PWWP2A: variants seen among roughly 807,000 people sequenced by gnomAD.
The protein encoded by PWWP2A is PWWP domain-containing protein 2A.
Under a neutral mutation model 48.5 loss-of-function variants are expected in PWWP2A, and 18 were observed. The ratio of observed to expected loss-of-function variants is 0.37; its 90% CI spans 0.26 to 0.55. The LOEUF (loss-of-function observed/expected upper bound fraction) is 0.55, where lower values mean the gene tolerates loss of function less well. Among genes scored for constraint, PWWP2A ranks in the 20% least tolerant of loss-of-function variants. PWWP2A has a pLI of 0.81. For synonymous variants in PWWP2A, 396 were observed against 387.7 expected (o/e 1.02, Z -0.25); for missense variants, 867 against 976.4 (o/e 0.89, Z 1.49).
chr5:160,056,560 C>CA, the PWWP2A span, among the ~76,000 whole-genome samples: 5 of 151,926 alleles, frequency 3.3e-5, no homozygotes, highest in Admixed American at 1.3e-4. Context: ...CCTGTCTCTA[C>CA]AAAAAAATAA....
chr5:160,113,878 G>A (rs1172567609), intron 1 of PWWP2A, among the ~76,000 whole-genome samples: 1 of 152,178 alleles, frequency 6.6e-6, no homozygotes, highest in Non-Finnish European at 1.5e-5. Flanking sequence ...TAATATGCAA[G>A]TAGAAAAAGC....
chr5:160,119,203 C>A lies in PWWP2A; in HGVS notation c.186G>T (p.Gln62His). ...GCGGCGGGAGCGGCGGCTCGTCGGC[C>A]TGAGGAGCGGATTGCTGCCCGTCAG... ...GETDGQQSAP[Q>H]ADEPPLPPPP... Residue 62 changes from glutamine (Q) to histidine (H), a missense_variant, in exon 1 of 2, where the codon CAG becomes CAT. Coordinates refer to ENST00000307063, the MANE Select transcript of PWWP2A (RefSeq NM_001130864.2). 6.9e-7 allele frequency: 1 copy of A among 1,456,378 alleles called. No homozygotes were observed. Among genetic ancestry groups the A allele is most frequent in the Non-Finnish European group, 8.9e-7 (1 of 1,118,126 alleles). 90.2% of individuals were successfully genotyped at this position (1,456,378 alleles called of 1,614,324 possible).
chr5:160,085,505 C>CTTTT (rs5872628), intron 2 of PWWP2A, among the ~76,000 whole-genome samples: 4 of 109,826 alleles, frequency 3.6e-5, no homozygotes, highest in Non-Finnish European at 5.6e-5. Context: ...CTGTCACATT[C>CTTTT]TTTTTTTTTT....
At chr5:160,090,627 C>G, downstream of PWWP2A, 1 of 985,080 alleles carries the variant, frequency 1.0e-6, no homozygotes, top group Non-Finnish European at 1.2e-6. Context: ...TGCAAAAATT[C>G]GCAATCAGTC....
At chr5:160,088,927 T>C (rs918694070), downstream of PWWP2A, among the ~76,000 whole-genome samples, 1 of 152,222 alleles carries the variant, frequency 6.6e-6, no homozygotes, top group Non-Finnish European at 1.5e-5. Flanking sequence ...CCTGCTTAAA[T>C]AGGAGTGTAA....
intron 1 of PWWP2A, among the ~76,000 whole-genome samples, chr5:160,106,781 T>G (rs2113630299): frequency 6.6e-6 from 1 of 151,992 alleles, no homozygotes; most frequent in Non-Finnish European, 1.5e-5. Context: ...ATACATTGCT[T>G]AGTTTGTAAT....
intron 4 of PWWP2A, among the ~76,000 whole-genome samples, chr5:160,066,253 G>A (rs1360867841): frequency 2.7e-5 from 4 of 149,648 alleles, no homozygotes; most frequent in African/African-American, 5.0e-5. Flanking sequence ...GTCAGTGTTC[G>A]GTGCTTCCTG....
chr5:160,111,223 A>G (rs1478269184), intron 1 of PWWP2A, among the ~76,000 whole-genome samples: 1 of 152,096 alleles, frequency 6.6e-6, no homozygotes, highest in Non-Finnish European at 1.5e-5. Flanking sequence ...GATGGAGTGC[A>G]ATAGCATGAT....
At position 160,119,360 on chromosome 5, in the gene PWWP2A, G is replaced by GCTGCCGCCT; in HGVS notation, c.20_28dup (p.Glu7_Ala9dup). 1 of 1,382,100 alleles carries GCTGCCGCCT rather than the reference G, an allele frequency of 7.2e-7. No homozygotes were observed. The highest frequency in any genetic ancestry group is 9.3e-7 in the Non-Finnish European group (1 of 1,074,644). The allele number at this position is 1,382,100 out of a possible 1,614,324, so 85.6% of individuals were successfully genotyped here. A position where few individuals can be genotyped will look rare whatever the true frequency, so the allele number is the denominator to read the frequency against. On this transcript the variant is annotated inframe_insertion, in exon 1 of 2. Coordinates refer to ENST00000307063, the MANE Select transcript of PWWP2A (RefSeq NM_001130864.2). ...CCCCTCCCCGGGGGACGCTGCAGTCGCTGCCGCCTCTGCAGCCACGGCCGC... is the reference window on the plus strand; with the variant it reads ...CCCCTCCCCGGGGGACGCTGCAGTCGCTGCCGCCTCTGCCGCCTCTGCAGCCACGGCCGC...
intron 1 of PWWP2A, among the ~76,000 whole-genome samples, chr5:160,117,219 G>A (rs894918659): frequency 6.6e-6 from 1 of 152,252 alleles, no homozygotes. Flanking sequence ...CAGCACTTTG[G>A]AAGGCCAAGG....
At chr5:160,115,922 T>C (rs1286771438) in intron 1 of PWWP2A, among the ~76,000 whole-genome samples, 1 of 151,630 alleles carries the variant, frequency 6.6e-6, no homozygotes, top group African/African-American at 2.4e-5. Context: ...GCAATCAACA[T>C]AAGTGCGAAT....
chr5:160,056,266 C>T, the PWWP2A span, among the ~76,000 whole-genome samples: 1 of 152,198 alleles, frequency 6.6e-6, no homozygotes, highest in Non-Finnish European at 1.5e-5. Flanking sequence ...ACATGTGGGC[C>T]TTGTTCATAA....
At chr5:160,110,335 A>T (rs976936843) in intron 1 of PWWP2A, among the ~76,000 whole-genome samples, 2 of 152,156 alleles carry the variant, frequency 1.3e-5, no homozygotes, top group African/African-American at 4.8e-5. Context: ...ATATTTGATG[A>T]TATAAAAGGA....
At chr5:160,061,615 A>G (rs1753403270), downstream of PWWP2A, among the ~76,000 whole-genome samples, 1 of 151,658 alleles carries the variant, frequency 6.6e-6, no homozygotes, top group Non-Finnish European at 1.5e-5. Flanking sequence ...CCTGCCAGGT[A>G]TTATATATAT....
chr5:160,107,220 T>C (rs1439207757), intron 1 of PWWP2A, among the ~76,000 whole-genome samples: 3 of 152,204 alleles, frequency 2.0e-5, no homozygotes, highest in African/African-American at 4.8e-5. Flanking sequence ...TCTCCAAATA[T>C]GGTCCAAGAA....
At chr5:160,076,793 A>C (rs1220126493) in exon 4 of PWWP2A, 2 of 152,202 alleles carry the variant, frequency 1.3e-5, no homozygotes, top group East Asian at 3.8e-4. Flanking sequence ...CACTTGAGCC[A>C]AGTGCTCAGT....
At chr5:160,044,910 C>A in the PWWP2A span, among the ~76,000 whole-genome samples, 2 of 152,158 alleles carry the variant, frequency 1.3e-5, no homozygotes, top group Admixed American at 6.5e-5. Flanking sequence ...TCTCTACTGG[C>A]TTTCTTTTCT....
the PWWP2A span, among the ~76,000 whole-genome samples, chr5:160,050,240 G>A: frequency 2.0e-5 from 3 of 152,154 alleles, no homozygotes; most frequent in African/African-American, 7.2e-5. Flanking sequence ...CTGAGGTCGG[G>A]AGTTCGAGAC....
At chr5:160,075,170 T>C (rs1374505209), downstream of PWWP2A, among the ~76,000 whole-genome samples, 1 of 152,168 alleles carries the variant, frequency 6.6e-6, no homozygotes, top group African/African-American at 2.4e-5. Context: ...CTTGTTAATC[T>C]TCCCTGGTTC....
Sources: gnomAD v4.1 joint callset for allele counts (sites outside exome capture counted in the v4.1 genomes callset) on GRCh38, gnomAD v4.1.1 for gene constraint, MANE v1.5 for transcripts, NCBI Gene and HGNC (gene_info 2026-07-23, HGNC 2026-07-21) for gene names.